PRKAR2B: variants seen among roughly 807,000 people sequenced by gnomAD.
PRKAR2B encodes protein kinase cAMP-dependent type II regulatory subunit beta, also known as cAMP-dependent protein kinase type II-beta regulatory subunit.
In PRKAR2B, 14 loss-of-function variants were observed where a neutral mutation model predicts 49.9. That is an observed-to-expected ratio of 0.28 (90% CI 0.19 to 0.44). The LOEUF is 0.44. Among genes scored for constraint, PRKAR2B ranks in the 20% least tolerant of loss-of-function variants. The probability of loss-of-function intolerance (pLI) is 1.00; values close to 1 mark genes in which losing one functional copy is unlikely to be tolerated. For missense variants in PRKAR2B, 393 were observed against 537.9 expected (o/e 0.73, Z 2.67); for synonymous variants, 196 against 197.7 (o/e 0.99, Z 0.07).
chr7:107,071,371 C>G (rs1325114120), intron 2 of PRKAR2B, among the ~76,000 whole-genome samples: 2 of 152,154 alleles, frequency 1.3e-5, no homozygotes, highest in Non-Finnish European at 2.9e-5. Context: ...GTGACCAGGT[C>G]TATAAGGATA....
At chr7:107,089,890 G>A (rs1332421487) in intron 2 of PRKAR2B, among the ~76,000 whole-genome samples, 1 of 152,164 alleles carries the variant, frequency 6.6e-6, no homozygotes, top group Admixed American at 6.5e-5. Context: ...CCATTTTGTG[G>A]TTGTAATTCT....
chr7:107,129,112 C>G (rs930492955), intron 4 of PRKAR2B: 1 of 152,148 alleles, frequency 6.6e-6, no homozygotes, highest in East Asian at 1.9e-4. Flanking sequence ...AAATCAATAC[C>G]TGCTCTTTTT....
chr7:107,084,102 T>C (rs1375430793), intron 2 of PRKAR2B, among the ~76,000 whole-genome samples: 1 of 152,222 alleles, frequency 6.6e-6, no homozygotes, highest in Non-Finnish European at 1.5e-5. Flanking sequence ...AATATTTTTT[T>C]GCACTAAATT....
At chr7:107,100,776 A>G (rs1017646541) in intron 2 of PRKAR2B, among the ~76,000 whole-genome samples, 5 of 149,216 alleles carry the variant, frequency 3.4e-5, no homozygotes, top group African/African-American at 1.2e-4. Flanking sequence ...GAGCCCACCT[A>G]ATGAGTTTTT....
chr7:107,119,782 C>G (rs1463578748), intron 2 of PRKAR2B, among the ~76,000 whole-genome samples: 1 of 152,144 alleles, frequency 6.6e-6, no homozygotes, highest in Non-Finnish European at 1.5e-5. Flanking sequence ...TTGTGCTGGT[C>G]CCATCCTTCA....
At chr7:107,069,451 A>C (rs986728171) in intron 1 of PRKAR2B, among the ~76,000 whole-genome samples, 1 of 152,226 alleles carries the variant, frequency 6.6e-6, no homozygotes, top group South Asian at 2.1e-4. Flanking sequence ...AAGTAGACTC[A>C]TGACATTCTG....
At chr7:107,092,826 C>G (rs1178547551) in intron 2 of PRKAR2B, among the ~76,000 whole-genome samples, 2 of 152,180 alleles carry the variant, frequency 1.3e-5, no homozygotes. Flanking sequence ...ATCCACAGAA[C>G]TGTTTAATCT....
intron 2 of PRKAR2B, among the ~76,000 whole-genome samples, chr7:107,116,852 T>TA: frequency 6.6e-6 from 1 of 150,634 alleles, no homozygotes; most frequent in East Asian, 1.9e-4. Flanking sequence ...TCCCTTTACT[T>TA]AGCTATATAT....
At chr7:107,150,012 TA>T (rs937611020) in intron 6 of PRKAR2B, among the ~76,000 whole-genome samples, 45 of 151,190 alleles carry the variant, frequency 3.0e-4, no homozygotes, top group South Asian at 6.3e-4. Flanking sequence ...AAAATAAAAG[TA>T]AAAAAAAATT....
Position 107,077,633 on chromosome 7 carries a change from CA to C in PRKAR2B, c.343+7318del, listed in dbSNP as rs1794424635. ...GCAGATGCCCACTGGCTATGGATAG[CA>C]GGGACTTAAGGCCAGGAGTTATTTC... On this transcript the variant is annotated intron_variant, in intron 2 of 10. Coordinates refer to ENST00000265717, the MANE Select transcript of PRKAR2B (RefSeq NM_002736.3). 2.6e-5 allele frequency: 4 copies of C among 152,156 alleles called. No individual in the cohort carries two copies. In the South Asian group the frequency reaches 8.3e-4, roughly 32 times the overall value. 9.4% of individuals were successfully genotyped at this position (152,156 alleles called of 1,614,324 possible). A position where few individuals can be genotyped will look rare whatever the true frequency, so the allele number is the denominator to read the frequency against.
chr7:107,094,285 T>A lies in PRKAR2B; in HGVS notation c.343+23969T>A, dbSNP rs1794794104. Among the ~76,000 whole-genome samples the A allele has an allele frequency of 3.3e-5, 5 of 152,362 alleles. No individual in the cohort carries two copies. In the South Asian group the frequency reaches 1.0e-3, roughly 32 times the overall value. On this transcript the variant is annotated intron_variant, in intron 2 of 10. Coordinates refer to ENST00000265717, the MANE Select transcript of PRKAR2B (RefSeq NM_002736.3). Reference sequence around the variant, plus strand: ...CAGTGATGATGAACATTTTTTCACGTCTGTTGGCTGCATAAATGTCTTCTT... The same window carrying A: ...CAGTGATGATGAACATTTTTTCACGACTGTTGGCTGCATAAATGTCTTCTT...
chr7:107,102,526 G>C (rs1319728047), intron 2 of PRKAR2B, among the ~76,000 whole-genome samples: 13 of 152,174 alleles, frequency 8.5e-5, no homozygotes, highest in Admixed American at 8.5e-4. Flanking sequence ...CTGTCAGCTT[G>C]CTCTTGAATT....
intron 1 of PRKAR2B, among the ~76,000 whole-genome samples, chr7:107,055,677 A>G (rs1793898706): frequency 1.3e-5 from 2 of 151,972 alleles, no homozygotes; most frequent in Admixed American, 1.3e-4. Context: ...TTTTTCTTGT[A>G]AATTTGTTTG....
At chr7:107,063,508 G>A (rs79481095) in intron 1 of PRKAR2B, among the ~76,000 whole-genome samples, 142 of 152,208 alleles carry the variant, frequency 9.3e-4, no homozygotes, top group African/African-American at 3.3e-3. Flanking sequence ...GGTCTCTTTT[G>A]CCAGCTCTGG....
intron 2 of PRKAR2B, among the ~76,000 whole-genome samples, chr7:107,112,174 TAAAA>T (rs749209141): frequency 2.2e-5 from 1 of 44,762 alleles, no homozygotes; most frequent in African/African-American, 1.0e-4. Flanking sequence ...ACTGTGTCTC[TAAAA>T]AAAAAAAAAA....
rs185966398 is a variant in PRKAR2B, at chr7:107,055,335, G to A, written c.307+10121G>A. 1.9e-3 allele frequency among the ~76,000 whole-genome samples: 293 copies of A among 152,248 alleles called. 1 individual carries two copies. Among genetic ancestry groups the A allele is most frequent in the African/African-American group, 6.6e-3 (276 of 41,528 alleles). The stretch of plus-strand genomic sequence containing the variant: ...TCCTTTGGGTATATACCCAGTAATG[G>A]GATGGCTGGGTCAAATGGTATTTCT... On this transcript the variant is annotated intron_variant, in intron 1 of 10. Transcript: ENST00000265717.
At chr7:107,102,912 C>T (rs544211015) in intron 2 of PRKAR2B, among the ~76,000 whole-genome samples, 235 of 152,260 alleles carry the variant, frequency 1.5e-3, no homozygotes, top group African/African-American at 5.4e-3. Flanking sequence ...CTCAGGTGAT[C>T]TGCCCGCCTC....
intron 1 of PRKAR2B, among the ~76,000 whole-genome samples, chr7:107,048,964 C>T (rs774965846): frequency 2.7e-4 from 41 of 152,238 alleles, no homozygotes; most frequent in Non-Finnish European, 4.7e-4. Context: ...TCTACTCTGT[C>T]TCCCTCTTCC....
At chr7:107,086,311 G>C (rs141480687) in intron 2 of PRKAR2B, among the ~76,000 whole-genome samples, 63 of 152,164 alleles carry the variant, frequency 4.1e-4, no homozygotes, top group African/African-American at 1.5e-3. Flanking sequence ...TTCATTATCC[G>C]TAAAATGTGG....
Sources: gnomAD v4.1 joint callset for allele counts (sites outside exome capture counted in the v4.1 genomes callset) on GRCh38, gnomAD v4.1.1 for gene constraint, MANE v1.5 for transcripts, NCBI Gene and HGNC (gene_info 2026-07-23, HGNC 2026-07-21) for gene names.